The following MYO18B variants were observed in gnomAD, a reference collection of about 807,000 sequenced individuals.
MYO18B encodes myosin XVIIIB, also known as unconventional myosin-XVIIIb.
In MYO18B, 204 loss-of-function variants were observed where a neutral mutation model predicts 273.0. That is an observed-to-expected ratio of 0.75 (90% confidence interval 0.67 to 0.84). The LOEUF is 0.84. MYO18B is among the 40% of genes least tolerant of loss of function. MYO18B has a pLI of 0.00. For synonymous variants in MYO18B, 1,330 were observed against 1,305.7 expected (o/e 1.02, Z -0.40); for missense variants, 3,212 against 3,287.6 (o/e 0.98, Z 0.56).
chr22:26,031,612 T>TA (rs1354465723), downstream of MYO18B, among the ~76,000 whole-genome samples: 2 of 152,200 alleles, frequency 1.3e-5, no homozygotes, highest in Non-Finnish European at 2.9e-5. Flanking sequence ...AACTTCAACA[T>TA]TTTTTGAGTG....
Position 25,823,522 on chromosome 22 carries a change from A to G in MYO18B, c.2539A>G (p.Met847Val). 1.2e-6 allele frequency: 2 copies of G among 1,613,896 alleles called. No homozygotes were observed. The highest frequency in any genetic ancestry group is 1.7e-6 in the Non-Finnish European group (2 of 1,179,848). ...GACKVGRKQF[M>V]RFEWANYAAE... ...CTTTGCAGTGGGTCGGAAGCAGTTC[A>G]TGAGGTTTGAGTGGGCAAACTACGC... The change falls in exon 13 of 44, where the codon ATG becomes GTG. Residue 847 changes from methionine (M) to valine (V), a missense_variant. By Grantham distance (21) the Met-to-Val change is conservative. Coordinates refer to ENST00000335473, the MANE Select transcript of MYO18B (RefSeq NM_032608.7).
intron 34 of MYO18B, among the ~76,000 whole-genome samples, chr22:25,933,475 C>T (rs1425359545): frequency 6.6e-6 from 1 of 152,220 alleles, no homozygotes; most frequent in Non-Finnish European, 1.5e-5. Flanking sequence ...TGTCTTCTGT[C>T]TTCCCATGTT....
chr22:25,862,509 C>T (rs190756330), intron 21 of MYO18B, among the ~76,000 whole-genome samples: 57 of 152,304 alleles, frequency 3.7e-4, no homozygotes, highest in East Asian at 1.2e-3. Flanking sequence ...AGGCAGGTCT[C>T]ATAGCAATAA....
Position 25,846,247 on chromosome 22 carries a change from G to A in MYO18B, c.3516G>A (p.Arg1172=). Residue 1172 remains arginine (R), a synonymous_variant, in exon 19 of 44, where the codon AGG becomes AGA. Transcript: ENST00000335473. ...TTGCCAGCAGCCTTGCCGCGGTGAG[G>A]AGGAAAGCCCCGTGCTCCCAGATCA... The part of the protein sequence containing the change: ...RTFASSLAAV[R]RKAPCSQIKL... The A allele has an allele frequency of 6.2e-7, 1 of 1,612,206 alleles. No individual in the cohort carries two copies. Among genetic ancestry groups the A allele is most frequent in the South Asian group, 1.1e-5 (1 of 91,004 alleles).
chr22:25,919,729 A>T (rs2092315173), intron 33 of MYO18B, among the ~76,000 whole-genome samples: 3 of 151,614 alleles, frequency 2.0e-5, no homozygotes, highest in Non-Finnish European at 4.4e-5. Flanking sequence ...CAGCATTTTG[A>T]ACCTACCAAA....
chr22:25,835,743 C>T (rs2089876806), intron 17 of MYO18B, among the ~76,000 whole-genome samples: 2 of 152,256 alleles, frequency 1.3e-5, no homozygotes, highest in South Asian at 4.1e-4. Context: ...CCTGCAACTG[C>T]ACTCTAATGG....
the MYO18B span, among the ~76,000 whole-genome samples, chr22:26,062,576 T>G: frequency 6.6e-6 from 1 of 152,334 alleles, no homozygotes; most frequent in South Asian, 2.1e-4. Flanking sequence ...CCTAGTTACA[T>G]GAGCTAATAA....
chr22:25,769,233 A>G lies in MYO18B; in HGVS notation c.1317A>G (p.Gly439=), dbSNP rs376593374. ...PAAPGKGGWP[G]SRGQEAEEPC... ...CTCCTGGGAAGGGAGGCTGGCCAGG[A>G]AGCCGTGGGCAGGAAGCAGAGGAGC... Residue 439 remains glycine (G), a synonymous_variant, in exon 4 of 44, where the codon GGA becomes GGG. Transcript: ENST00000335473. 7.0e-4 allele frequency: 1,119 copies of G among 1,600,634 alleles called. 2 individuals are homozygous for G. Among genetic ancestry groups the G allele is most frequent in the South Asian group, 1.0e-3 (90 of 88,650 alleles).
At chr22:25,982,379 C>T (rs1473562488) in intron 39 of MYO18B, among the ~76,000 whole-genome samples, 2 of 152,210 alleles carry the variant, frequency 1.3e-5, no homozygotes, top group Admixed American at 1.3e-4. Flanking sequence ...CAACCAAAGC[C>T]CTGGCTGGCA....
At chr22:25,787,582 A>G (rs1224957732) in intron 11 of MYO18B, among the ~76,000 whole-genome samples, 1 of 152,174 alleles carries the variant, frequency 6.6e-6, no homozygotes, top group Non-Finnish European at 1.5e-5. Context: ...AGTTGGGGGC[A>G]TATCAGAGAG....
intron 34 of MYO18B, among the ~76,000 whole-genome samples, chr22:25,929,905 T>C (rs1036476476): frequency 1.2e-4 from 19 of 152,204 alleles, no homozygotes; most frequent in African/African-American, 4.3e-4. Context: ...AAGTCGGTTC[T>C]TTGTGTGTTC....
intron 19 of MYO18B, among the ~76,000 whole-genome samples, 154 bp downstream of exon 19, chr22:25,846,437 G>C (rs2090249186): frequency 6.6e-6 from 1 of 152,242 alleles, no homozygotes; most frequent in Non-Finnish European, 1.5e-5. Flanking sequence ...GGAAATGGGG[G>C]CTCCCAGCAG....
chr22:25,918,867 C>T (rs534219144), intron 33 of MYO18B, among the ~76,000 whole-genome samples: 16 of 152,304 alleles, frequency 1.1e-4, no homozygotes, highest in African/African-American at 3.6e-4. Flanking sequence ...TGAAGCAGCT[C>T]CACTAGGCAC....
intron 34 of MYO18B, among the ~76,000 whole-genome samples, chr22:25,938,308 A>T (rs895548725): frequency 6.6e-6 from 1 of 152,226 alleles, no homozygotes; most frequent in Non-Finnish European, 1.5e-5. Flanking sequence ...GCTATTCAAC[A>T]GTTTGTAGTT....
rs3070566 is a variant in MYO18B, at chr22:25,914,686, CTTTTTTTTTTTTTT to C, written c.5364+3651_5364+3664del. 3.5e-4 allele frequency among the ~76,000 whole-genome samples: 18 copies of C among 50,846 alleles called. No individual in the cohort carries two copies. In the Admixed American group the frequency reaches 3.8e-3, roughly 11 times the overall value. The allele number at this position is 50,846 out of a possible 152,430, so 33.4% of individuals were successfully genotyped here. On this transcript the variant is annotated intron_variant, in intron 33 of 43. Transcript: ENST00000335473. ...TTTGAAAATAAGAATAGTTTTGACT[CTTTTTTTTTTTTTT>C]TTTTTTTTTTTTTTGAGATGGAGTC... is the stretch of plus-strand genomic sequence containing the variant.
intron 1 of MYO18B, among the ~76,000 whole-genome samples, chr22:25,754,658 G>A (rs1448856363): frequency 6.6e-6 from 1 of 152,200 alleles, no homozygotes; most frequent in Non-Finnish European, 1.5e-5. Context: ...CAGCTGACGA[G>A]GCAGGTGTAT....
intron 2 of MYO18B, 93 bp downstream of exon 2, chr22:25,761,224 A>T (rs2086302792): frequency 1.4e-6 from 2 of 1,390,942 alleles, no homozygotes; most frequent in Admixed American, 3.4e-5. Context: ...TTGAGTGGGG[A>T]GTCTGACATC....
rs776883073 is a variant in MYO18B, at chr22:25,874,386, T to TG, written c.4053dup (p.Ser1352ValfsTer45). The TG allele has an allele frequency of 1.2e-6, 2 of 1,613,970 alleles. No homozygotes were observed. The highest frequency in any genetic ancestry group is 2.2e-5 in the South Asian group (2 of 91,068). On this transcript the variant is annotated frameshift_variant, in exon 23 of 44. Transcript: ENST00000335473. LOFTEE classifies it high-confidence loss of function. ...TTCCAGGCGGCTTGCAAGGGCTTTCTGTCTCGCCAGGAATTCAAGAAGCTG... is the reference window on the plus strand; with the variant it reads ...TTCCAGGCGGCTTGCAAGGGCTTTCTGGTCTCGCCAGGAATTCAAGAAGCTG...
intron 12 of MYO18B, among the ~76,000 whole-genome samples, chr22:25,816,121 A>G (rs576332370): frequency 2.6e-5 from 4 of 152,356 alleles, no homozygotes; most frequent in African/African-American, 9.6e-5. Context: ...CTAGCCTCTA[A>G]GAATGAGAAG....
Sources: allele counts gnomAD v4.1 joint callset (sites outside exome capture counted in the v4.1 genomes callset), GRCh38; gene constraint gnomAD v4.1.1; transcripts MANE v1.5; gene names NCBI Gene and HGNC (gene_info 2026-07-23, HGNC 2026-07-21).